Variants in DENND4C observed in about 807,000 individuals in gnomAD.
DENND4C encodes DENN domain-containing protein 4C.
Under a neutral mutation model 203.0 loss-of-function variants are expected in DENND4C, and 108 were observed. That is an observed-to-expected ratio of 0.53 (90% CI 0.46 to 0.62). DENND4C has a LOEUF of 0.62. Ranked by LOEUF, DENND4C falls within the 20% of genes least tolerant of loss-of-function variation. DENND4C has a pLI of 0.00. For missense variants in DENND4C, 2,481 were observed against 2,301.2 expected, an observed-to-expected ratio of 1.08 and a Z score of -1.60; for synonymous variants, 871 against 792.4, an observed-to-expected ratio of 1.10 and a Z score of -1.67.
chr9:19,351,680 G>A (rs777125662), intron 24 of DENND4C, among the ~76,000 whole-genome samples: 27 of 151,786 alleles, frequency 1.8e-4, no homozygotes, highest in African/African-American at 3.4e-4. Context: ...GGCAGCGTGC[G>A]CCTGTAATCC....
At chr9:19,291,970 TAC>T (rs1836414964) in intron 5 of DENND4C, among the ~76,000 whole-genome samples, 1 of 152,104 alleles carries the variant, frequency 6.6e-6, no homozygotes, top group African/African-American at 2.4e-5. Context: ...GTTAAAGATG[TAC>T]TCTGAATCTG....
chr9:19,326,822 C>T (rs113503704), intron 15 of DENND4C, among the ~76,000 whole-genome samples: 164 of 151,990 alleles, frequency 1.1e-3, no homozygotes, highest in Non-Finnish European at 1.8e-3. Context: ...TCTATGTTTG[C>T]CTTTAGTGGT....
At chr9:19,272,801 T>C (rs1832005921) in intron 1 of DENND4C, among the ~76,000 whole-genome samples, 1 of 152,114 alleles carries the variant, frequency 6.6e-6, no homozygotes, top group African/African-American at 2.4e-5. Flanking sequence ...GGAGTCTTGC[T>C]CTCTCGCCCA....
intron 1 of DENND4C, among the ~76,000 whole-genome samples, chr9:19,259,247 T>TC (rs1173898145): frequency 6.6e-6 from 1 of 151,966 alleles, no homozygotes; most frequent in African/African-American, 2.4e-5. Context: ...CCCCGCCACC[T>TC]CCCCACTGCC....
At chr9:19,260,676 T>G (rs1207326511) in intron 1 of DENND4C, among the ~76,000 whole-genome samples, 1 of 152,152 alleles carries the variant, frequency 6.6e-6, no homozygotes, top group African/African-American at 2.4e-5. Context: ...TAATTACAGG[T>G]GTAAGCAACC....
intron 1 of DENND4C, among the ~76,000 whole-genome samples, chr9:19,258,240 A>G (rs1828476809): frequency 6.6e-6 from 1 of 152,116 alleles, no homozygotes; most frequent in African/African-American, 2.4e-5. Flanking sequence ...AAAGATCCAG[A>G]CTCATGTAAT....
intron 17 of DENND4C, among the ~76,000 whole-genome samples, chr9:19,333,035 A>AAG (rs991627437): frequency 6.7e-6 from 1 of 150,030 alleles, no homozygotes; most frequent in Non-Finnish European, 1.5e-5. Context: ...TTTATATTTA[A>AAG]ATATATATAT....
chr9:19,324,619 G>A (rs1439925090), intron 13 of DENND4C, 112 bp downstream of exon 13: 5 of 983,340 alleles, frequency 5.1e-6, no homozygotes, highest in African/African-American at 1.7e-5. Flanking sequence ...GTAGGGTTGT[G>A]TATGTGTGTG....
chr9:19,340,028 C>A (rs1413091359), intron 20 of DENND4C, among the ~76,000 whole-genome samples: 2 of 152,114 alleles, frequency 1.3e-5, no homozygotes, highest in Admixed American at 1.3e-4. Context: ...TGTTTCTGAG[C>A]ACTACCTTTT....
chr9:19,348,016 A>G (rs967216357), intron 23 of DENND4C, among the ~76,000 whole-genome samples: 2 of 152,250 alleles, frequency 1.3e-5, no homozygotes, highest in Non-Finnish European at 2.9e-5. Context: ...ATGAAATTGT[A>G]TAGTATTTGA....
At chr9:19,319,086 T>C (rs577896123) in intron 12 of DENND4C, among the ~76,000 whole-genome samples, 3 of 151,594 alleles carry the variant, frequency 2.0e-5, no homozygotes, top group Non-Finnish European at 1.5e-5. Flanking sequence ...GGAGAATCGC[T>C]TCATCCCGCG....
Position 19,288,594 on chromosome 9 carries a change from A to G in DENND4C, c.559-2A>G. 8.1e-7 allele frequency: 1 copy of G among 1,231,076 alleles called. No homozygotes were observed. The highest frequency in any genetic ancestry group is 1.0e-6 in the Non-Finnish European group (1 of 987,112). 76.3% of individuals were successfully genotyped at this position (1,231,076 alleles called of 1,614,324 possible). Reference sequence around the variant, plus strand: ...TTTATAAACCTAATTCATGTTTTACAGTGGGGTTCCAGCGTGTTTCTGTGT... The same window carrying G: ...TTTATAAACCTAATTCATGTTTTACGGTGGGGTTCCAGCGTGTTTCTGTGT... On this transcript the variant is annotated splice_acceptor_variant, in intron 3 of 32. Coordinates refer to ENST00000434457, the MANE Select transcript of DENND4C (RefSeq NM_001330640.2). LOFTEE classifies it high-confidence loss of function.
At chr9:19,232,086 C>G (rs1300683348) in intron 1 of DENND4C, among the ~76,000 whole-genome samples, 1 of 152,106 alleles carries the variant, frequency 6.6e-6, no homozygotes, top group Non-Finnish European at 1.5e-5. Flanking sequence ...TAAAGGTATC[C>G]TTTATTCTTG....
chr9:19,294,677 A>G (rs1837064285), intron 5 of DENND4C, among the ~76,000 whole-genome samples: 1 of 152,236 alleles, frequency 6.6e-6, no homozygotes, highest in Non-Finnish European at 1.5e-5. Flanking sequence ...AATATGGTAT[A>G]TATATATGAT....
At chr9:19,263,358 GTTTA>G (rs771356541) in intron 1 of DENND4C, among the ~76,000 whole-genome samples, 48 of 151,938 alleles carry the variant, frequency 3.2e-4, no homozygotes, top group Middle Eastern at 3.4e-3. Context: ...TTGTTTGTTT[GTTTA>G]TTTGTTTTTT....
chr9:19,283,146 T>C (rs1472040790), intron 2 of DENND4C, among the ~76,000 whole-genome samples: 1 of 149,754 alleles, frequency 6.7e-6, no homozygotes, highest in East Asian at 2.0e-4. Context: ...ATTATAGATA[T>C]GAACTACTGT....
intron 5 of DENND4C, among the ~76,000 whole-genome samples, chr9:19,295,578 A>C (rs1228959589): frequency 1.3e-5 from 2 of 151,416 alleles, no homozygotes; most frequent in East Asian, 3.9e-4. Context: ...GGGAGGCTGA[A>C]GCAGTCACTT....
intron 7 of DENND4C, 96 bp downstream of exon 7, chr9:19,298,218 C>A: frequency 9.9e-7 from 1 of 1,014,892 alleles, no homozygotes; most frequent in Non-Finnish European, 1.5e-6. Context: ...TGAGGTGGAG[C>A]AATATGCATT....
rs138883357 is a variant in DENND4C, at chr9:19,352,897, G to A, written c.4781+232G>A. Among the ~76,000 whole-genome samples, 170 of 152,196 alleles carry A rather than the reference G, an allele frequency of 1.1e-3. 3 individuals are homozygous for A. Among genetic ancestry groups the A allele is most frequent in the Middle Eastern group, 3.4e-3 (1 of 294 alleles). The stretch of plus-strand genomic sequence containing the variant: ...TGCTGTAATCTCAACACTTTGCGAG[G>A]CCCAGGTGGGAGGATTGCTTGAGGT... On this transcript the variant is annotated intron_variant, in intron 26 of 32. Transcript: ENST00000434457.
Sources: allele counts gnomAD v4.1 joint callset (sites outside exome capture counted in the v4.1 genomes callset), GRCh38; gene constraint gnomAD v4.1.1; transcripts MANE v1.5; gene names NCBI Gene and HGNC (gene_info 2026-07-23, HGNC 2026-07-21).